NEO1: variants seen among roughly 807,000 people sequenced by gnomAD.
NEO1 encodes the protein neogenin 1.
In NEO1, 63 loss-of-function variants were observed where a neutral mutation model predicts 159.7. The ratio of observed to expected loss-of-function variants is 0.39; its 90% CI spans 0.32 to 0.49. NEO1 has a LOEUF of 0.49. NEO1 is among the 20% of genes least tolerant of loss of function. The pLI, the probability that NEO1 is intolerant of heterozygous loss-of-function variation, is 0.85. For missense variants in NEO1, 1,615 were observed against 1,831.0 expected (o/e 0.88, Z 2.15); for synonymous variants, 633 against 662.0 (o/e 0.96, Z 0.67).
At chr15:73,140,647 A>G (rs1249368861) in intron 5 of NEO1, among the ~76,000 whole-genome samples, 2 of 152,232 alleles carry the variant, frequency 1.3e-5, no homozygotes, top group Non-Finnish European at 2.9e-5. Flanking sequence ...ATGTATAATT[A>G]TATGCCCCCA....
chr15:73,125,333 A>G (rs2030054156), intron 3 of NEO1, among the ~76,000 whole-genome samples: 1 of 152,210 alleles, frequency 6.6e-6, no homozygotes, highest in Admixed American at 6.5e-5. Flanking sequence ...GGTGGGAGCA[A>G]GTTAATGTCA....
At chr15:73,104,479 T>C (rs180916206) in intron 1 of NEO1, among the ~76,000 whole-genome samples, 265 of 152,310 alleles carry the variant, frequency 1.7e-3, no homozygotes, top group African/African-American at 6.1e-3. Context: ...AGTAAAATAA[T>C]AGGTGTTCTA....
At position 73,094,535 on chromosome 15, in the gene NEO1, A is replaced by G. The variant is rs115625204; in HGVS notation, c.131-22005A>G. Among the ~76,000 whole-genome samples the G allele has an allele frequency of 6.4e-3, 975 of 152,312 alleles. 11 individuals carry two copies. Among genetic ancestry groups the G allele is most frequent in the African/African-American group, 0.022 (934 of 41,562 alleles). ...TGAATAATGCTGCAATGTATATTCT[A>G]TACAATAGCCTTTCTAAAGATTTTG... is the stretch of plus-strand genomic sequence containing the variant. On this transcript the variant is annotated intron_variant, in intron 1 of 28. Transcript: ENST00000261908.
rs144317469 is a variant in NEO1 at position 73,257,425 on chromosome 15, A to G, written c.2093-1341A>G. ...AAATCATATCTGGATTTATTCATTTAATAGATTTCATTGAACTTTTGTTGG... is the reference window on the plus strand; with the variant it reads ...AAATCATATCTGGATTTATTCATTTGATAGATTTCATTGAACTTTTGTTGG... On this transcript the variant is annotated intron_variant, in intron 13 of 28. Coordinates refer to ENST00000261908, the MANE Select transcript of NEO1 (RefSeq NM_002499.4). Among the ~76,000 whole-genome samples, 272 of 152,268 alleles carry G rather than the reference A, an allele frequency of 1.8e-3. 1 individual carries two copies. Among genetic ancestry groups the G allele is most frequent in the African/African-American group, 6.4e-3 (265 of 41,552 alleles).
At chr15:73,188,898 G>C (rs1453879476) in intron 7 of NEO1, among the ~76,000 whole-genome samples, 1 of 152,208 alleles carries the variant, frequency 6.6e-6, no homozygotes, top group East Asian at 1.9e-4. Flanking sequence ...TTCAAGACTT[G>C]CCTGGGCAAC....
intron 1 of NEO1, among the ~76,000 whole-genome samples, chr15:73,079,644 C>G (rs1465260895): frequency 5.9e-5 from 9 of 152,150 alleles, no homozygotes; most frequent in Non-Finnish European, 1.2e-4. Context: ...AGTTTAACAA[C>G]AGCCTATTGG....
At chr15:73,060,414 C>A (rs1158536563) in intron 1 of NEO1, among the ~76,000 whole-genome samples, 2 of 150,632 alleles carry the variant, frequency 1.3e-5, no homozygotes, top group Non-Finnish European at 1.5e-5. Flanking sequence ...CAGGCGTGCA[C>A]CACCACACCC....
At chr15:73,217,597 C>T (rs1182766086) in intron 7 of NEO1, among the ~76,000 whole-genome samples, 1 of 151,994 alleles carries the variant, frequency 6.6e-6, no homozygotes, top group Non-Finnish European at 1.5e-5. Context: ...GTATCCTCTT[C>T]TATTTCATTG....
At chr15:73,073,333 A>C (rs1052768033) in intron 1 of NEO1, among the ~76,000 whole-genome samples, 3 of 152,140 alleles carry the variant, frequency 2.0e-5, no homozygotes, top group Admixed American at 2.0e-4. Flanking sequence ...ATTTGGAAGC[A>C]GGTTGAGGGA....
At chr15:73,260,860 T>C (rs1264568900) in intron 15 of NEO1, among the ~76,000 whole-genome samples, 1 of 152,182 alleles carries the variant, frequency 6.6e-6, no homozygotes, top group East Asian at 1.9e-4. Context: ...TTTTCCTTGG[T>C]AATTAAAAGT....
rs187336935 is a variant in NEO1, at chr15:73,293,957, T to C, written c.3901+409T>C. ...ATTGGGTAGGTCCAAAGGTTAACTGTTACATACAGGTTACTTCCACCGTGG... is the reference window on the plus strand; with the variant it reads ...ATTGGGTAGGTCCAAAGGTTAACTGCTACATACAGGTTACTTCCACCGTGG... On this transcript the variant is annotated intron_variant, in intron 26 of 28. Transcript: ENST00000261908. Among the ~76,000 whole-genome samples the C allele has an allele frequency of 2.2e-3, 341 of 152,284 alleles. 2 individuals carry two copies. Among genetic ancestry groups the C allele is most frequent in the African/African-American group, 7.8e-3 (323 of 41,538 alleles).
intron 1 of NEO1, among the ~76,000 whole-genome samples, chr15:73,075,996 C>G (rs2068752009): frequency 1.3e-5 from 2 of 152,040 alleles, no homozygotes; most frequent in South Asian, 4.2e-4. Flanking sequence ...ACAAAGTTCA[C>G]CAGGTTTTGA....
chr15:73,194,070 T>G (rs1463355527), intron 7 of NEO1, among the ~76,000 whole-genome samples: 1 of 152,156 alleles, frequency 6.6e-6, no homozygotes, highest in East Asian at 1.9e-4. Context: ...AGAGACCAGA[T>G]TATTTAATAC....
At chr15:73,250,042 A>G (rs77941579) in intron 11 of NEO1, among the ~76,000 whole-genome samples, 117 of 152,312 alleles carry the variant, frequency 7.7e-4, no homozygotes, top group African/African-American at 2.8e-3. Flanking sequence ...AACACAGACC[A>G]TTCCAGGGCT....
At chr15:73,236,593 C>T (rs2150858293) in intron 8 of NEO1, 87 bp downstream of exon 8, 6 of 1,189,398 alleles carry the variant, frequency 5.0e-6, no homozygotes, top group East Asian at 2.3e-5. Flanking sequence ...GTATCTGTAC[C>T]AATTTTTAGT....
intron 1 of NEO1, among the ~76,000 whole-genome samples, chr15:73,055,189 C>T (rs1216410973): frequency 6.6e-6 from 1 of 152,072 alleles, no homozygotes; most frequent in African/African-American, 2.4e-5. Context: ...TATGTAGAGA[C>T]CTTGGGGAAG....
intron 13 of NEO1, among the ~76,000 whole-genome samples, chr15:73,256,918 G>T (rs2040382022): frequency 6.6e-6 from 1 of 151,768 alleles, no homozygotes; most frequent in South Asian, 2.1e-4. Context: ...GTCAAACTGT[G>T]TCTCTACAAA....
rs895680741 is a variant in NEO1 at position 73,170,477 on chromosome 15, A to G, written c.1016-5926A>G. Among the ~76,000 whole-genome samples the G allele has an allele frequency of 2.0e-4, 30 of 152,250 alleles. No individual in the cohort carries two copies. In the South Asian group the frequency reaches 6.0e-3, roughly 30 times the overall value. On this transcript the variant is annotated intron_variant, in intron 5 of 28. Transcript: ENST00000261908. ...CAAAAAGGGTCTCAGAGCAATGACC[A>G]TAAACTGAAGTCCAATAGAGTCATG...
intron 7 of NEO1, among the ~76,000 whole-genome samples, chr15:73,235,977 G>A (rs1167263976): frequency 6.6e-6 from 1 of 152,196 alleles, no homozygotes; most frequent in African/African-American, 2.4e-5. Flanking sequence ...CATGGGCACT[G>A]CTGTGCCTTC....
Sources: gnomAD v4.1 joint callset for allele counts (sites outside exome capture counted in the v4.1 genomes callset) on GRCh38, gnomAD v4.1.1 for gene constraint, MANE v1.5 for transcripts, NCBI Gene and HGNC (gene_info 2026-07-23, HGNC 2026-07-21) for gene names.